MYO1E: variants seen among roughly 807,000 people sequenced by gnomAD.
MYO1E encodes the protein unconventional myosin-Ie.
A neutral mutation model predicts 151.1 loss-of-function variants in MYO1E; 68 were observed. The observed-to-expected ratio is 0.45, with a 90% CI of 0.37 to 0.55. The LOEUF (loss-of-function observed/expected upper bound fraction) is 0.55, where lower values mean the gene tolerates loss of function less well. Ranked by LOEUF, MYO1E falls within the 20% of genes least tolerant of loss-of-function variation. MYO1E has a pLI of 0.00. For synonymous variants in MYO1E, 601 were observed against 501.7 expected, an observed-to-expected ratio of 1.20 and a Z score of -2.64; for missense variants, 1,363 against 1,389.3, an observed-to-expected ratio of 0.98 and a Z score of 0.30.
intron 17 of MYO1E, among the ~76,000 whole-genome samples, chr15:59,193,806 G>C (rs1301024522): frequency 5.3e-5 from 8 of 152,144 alleles, no homozygotes; most frequent in East Asian, 1.9e-4. Context: ...ATCCGGGCCT[G>C]AATATCATTA....
chr15:59,272,167 A>G, intron 2 of MYO1E, 139 bp downstream of exon 2: 1 of 896,336 alleles, frequency 1.1e-6, no homozygotes, highest in Non-Finnish European at 1.8e-6. Context: ...TGTTGCCAGG[A>G]TGGTCTGGAA....
intron 4 of MYO1E, among the ~76,000 whole-genome samples, chr15:59,246,681 T>C (rs548889289): frequency 1.3e-5 from 2 of 152,252 alleles, no homozygotes; most frequent in African/African-American, 4.8e-5. Context: ...AGAGGCCTGC[T>C]ATAATATAGA....
intron 14 of MYO1E, chr15:59,206,908 C>T (rs1292853238): frequency 1.3e-6 from 2 of 1,585,552 alleles, no homozygotes; most frequent in Admixed American, 1.8e-5. Context: ...AGCTTTTTTC[C>T]ATTCTCTCTC....
intron 1 of MYO1E, among the ~76,000 whole-genome samples, chr15:59,300,410 G>A (rs1465897432): frequency 1.3e-5 from 2 of 152,102 alleles, no homozygotes; most frequent in African/African-American, 4.8e-5. Context: ...CCATTTCTGA[G>A]TCTTTATTGG....
chr15:59,291,682 TAAAAAAAAA>T (rs1182076268), intron 1 of MYO1E, among the ~76,000 whole-genome samples: 1 of 7,802 alleles, frequency 1.3e-4, no homozygotes, highest in Non-Finnish European at 3.1e-4. Context: ...CTAAAAATAC[TAAAAAAAAA>T]AAAAAAAAAA....
chr15:59,322,059 C>T (rs2080629709), intron 1 of MYO1E, among the ~76,000 whole-genome samples: 3 of 151,536 alleles, frequency 2.0e-5, no homozygotes, highest in Non-Finnish European at 4.4e-5. Flanking sequence ...CCTGTAATCC[C>T]AGCTACTTGG....
intron 19 of MYO1E, among the ~76,000 whole-genome samples, 159 bp downstream of exon 19, chr15:59,178,234 G>A (rs1365019531): frequency 6.6e-6 from 1 of 152,200 alleles, no homozygotes; most frequent in African/African-American, 2.4e-5. Context: ...GTTTAGGGAA[G>A]GACCCACTTA....
At chr15:59,316,802 C>T (rs965941062) in intron 1 of MYO1E, among the ~76,000 whole-genome samples, 5 of 152,176 alleles carry the variant, frequency 3.3e-5, no homozygotes, top group Non-Finnish European at 7.3e-5. Flanking sequence ...AAACACTGTG[C>T]TTTGTAAGGA....
At chr15:59,325,207 T>C (rs963519734) in intron 1 of MYO1E, among the ~76,000 whole-genome samples, 3 of 152,118 alleles carry the variant, frequency 2.0e-5, no homozygotes, top group Non-Finnish European at 4.4e-5. Context: ...AGCTAATTGT[T>C]GTATTTTTAG....
chr15:59,240,359 A>T (rs1302947216), intron 4 of MYO1E, among the ~76,000 whole-genome samples: 2 of 152,156 alleles, frequency 1.3e-5, no homozygotes, highest in South Asian at 2.1e-4. Flanking sequence ...TCAAATAGGA[A>T]GTATTGTAGA....
chr15:59,156,464 C>A (rs2079510284), intron 25 of MYO1E, among the ~76,000 whole-genome samples: 1 of 152,212 alleles, frequency 6.6e-6, no homozygotes, highest in African/African-American at 2.4e-5. Flanking sequence ...GGATTATAGG[C>A]ATGAGCCACT....
At chr15:59,357,181 C>T (rs2080858973) in intron 1 of MYO1E, among the ~76,000 whole-genome samples, 1 of 152,026 alleles carries the variant, frequency 6.6e-6, no homozygotes, top group African/African-American at 2.4e-5. Flanking sequence ...GCTGGGATTA[C>T]AGGTGTGAGC....
chr15:59,345,848 T>C (rs1004845149), intron 1 of MYO1E, among the ~76,000 whole-genome samples: 2 of 152,212 alleles, frequency 1.3e-5, no homozygotes, highest in African/African-American at 2.4e-5. Flanking sequence ...ACTGTTACTT[T>C]CCTCTGCTTT....
At chr15:59,248,135 A>AAC (rs1159733274) in intron 4 of MYO1E, among the ~76,000 whole-genome samples, 6 of 147,716 alleles carry the variant, frequency 4.1e-5, no homozygotes, top group African/African-American at 1.5e-4. Flanking sequence ...CTCAAAAAAA[A>AAC]AAAAAAAAAA....
chr15:59,250,440 G>A (rs745472682), intron 4 of MYO1E, among the ~76,000 whole-genome samples: 9 of 152,158 alleles, frequency 5.9e-5, no homozygotes, highest in Non-Finnish European at 5.9e-5. Context: ...AGGAGGTAGC[G>A]CTGTCCATGA....
rs528705060 is a variant in MYO1E, at chr15:59,206,807, T to C, written c.1531-1322A>G. 4,722 of 855,362 alleles carry C rather than the reference T, an allele frequency of 5.5e-3. 36 individuals are homozygous for C. The highest frequency in any genetic ancestry group is 8.8e-3 in the Middle Eastern group (25 of 2,846). The allele number at this position is 855,362 out of a possible 1,614,324, so 53.0% of individuals were successfully genotyped here. On this transcript the variant is annotated intron_variant, in intron 14 of 27. Coordinates refer to ENST00000288235, the MANE Select transcript of MYO1E (RefSeq NM_004998.4). ...TCTGGCAAGGCCCGCGCAGCCGCAGTAGAGGGCCAGGGGGCGGGGCACGCG... is the reference window on the plus strand; with the variant it reads ...TCTGGCAAGGCCCGCGCAGCCGCAGCAGAGGGCCAGGGGGCGGGGCACGCG...
intron 5 of MYO1E, among the ~76,000 whole-genome samples, chr15:59,235,612 C>T (rs1370194859): frequency 6.6e-6 from 1 of 152,154 alleles, no homozygotes; most frequent in Non-Finnish European, 1.5e-5. Context: ...CAGTCTTTTG[C>T]ATTACCAAAA....
chr15:59,143,335 CA>C (rs1239409584), intron 26 of MYO1E, among the ~76,000 whole-genome samples: 12 of 152,244 alleles, frequency 7.9e-5, no homozygotes, highest in Admixed American at 7.2e-4. Flanking sequence ...TGTCTGATGG[CA>C]GCCGGGAGGA....
At chr15:59,249,021 C>T (rs2080148002) in intron 4 of MYO1E, among the ~76,000 whole-genome samples, 2 of 152,226 alleles carry the variant, frequency 1.3e-5, no homozygotes, top group Admixed American at 6.5e-5. Context: ...CCCAAGGCTG[C>T]TCAACTCCAG....
Sources: allele counts gnomAD v4.1 joint callset (sites outside exome capture counted in the v4.1 genomes callset), GRCh38; gene constraint gnomAD v4.1.1; transcripts MANE v1.5; gene names NCBI Gene and HGNC (gene_info 2026-07-23, HGNC 2026-07-21).